The following LRRTM3 variants were observed in gnomAD, a reference collection of about 807,000 sequenced individuals.
LRRTM3 encodes leucine-rich repeat transmembrane neuronal protein 3.
LRRTM3 carries 24 observed loss-of-function variants against 44.7 expected under a neutral mutation model. The ratio of observed to expected loss-of-function variants is 0.54; its 90% CI spans 0.39 to 0.76. LRRTM3 has a LOEUF of 0.76. Ranked by LOEUF, LRRTM3 falls within the 30% of genes least tolerant of loss-of-function variation. The probability of loss-of-function intolerance (pLI) is 0.00; values close to 1 mark genes in which losing one functional copy is unlikely to be tolerated. For missense variants in LRRTM3, 587 were observed against 702.2 expected (o/e 0.84, Z 1.85); for synonymous variants, 277 against 278.7 (o/e 0.99, Z 0.06).
At chr10:66,989,541 A>C (rs1850927077) in intron 2 of LRRTM3, among the ~76,000 whole-genome samples, 1 of 152,188 alleles carries the variant, frequency 6.6e-6, no homozygotes, top group African/African-American at 2.4e-5. Flanking sequence ...GATTAGCCTG[A>C]TACATGTATG....
intron 2 of LRRTM3, among the ~76,000 whole-genome samples, chr10:66,969,017 A>AAAAT (rs896918415): frequency 2.0e-5 from 3 of 152,050 alleles, no homozygotes; most frequent in African/African-American, 4.8e-5. Context: ...ACTCCATCTC[A>AAAAT]AAATAAATAA....
chr10:67,019,807 T>C (rs1852882008), intron 2 of LRRTM3, among the ~76,000 whole-genome samples: 1 of 152,200 alleles, frequency 6.6e-6, no homozygotes, highest in African/African-American at 2.4e-5. Flanking sequence ...CCTTACTCAC[T>C]TTAAGTTCAA....
chr10:66,983,267 T>C (rs751421404), intron 2 of LRRTM3, among the ~76,000 whole-genome samples: 1 of 152,112 alleles, frequency 6.6e-6, no homozygotes, highest in African/African-American at 2.4e-5. Flanking sequence ...CTCCCAGCCA[T>C]GTTCCTCATC....
intron 2 of LRRTM3, among the ~76,000 whole-genome samples, chr10:66,969,299 T>C: frequency 6.6e-6 from 1 of 152,134 alleles, no homozygotes; most frequent in Non-Finnish European, 1.5e-5. Flanking sequence ...TTTTATAACT[T>C]ATCATTACAT....
chr10:66,987,953 T>A (rs1226625396), intron 2 of LRRTM3, among the ~76,000 whole-genome samples: 4 of 152,174 alleles, frequency 2.6e-5, no homozygotes, highest in South Asian at 2.1e-4. Flanking sequence ...AACATTTCTA[T>A]CATAACAAAT....
chr10:67,092,532 T>G (rs181449136), intron 2 of LRRTM3, among the ~76,000 whole-genome samples: 25 of 152,066 alleles, frequency 1.6e-4, no homozygotes, highest in Admixed American at 7.2e-4. Flanking sequence ...CATATGAATG[T>G]TCATATATAT....
At position 66,965,946 on chromosome 10, in the gene LRRTM3, T is replaced by C. The variant is rs73331678; in HGVS notation, c.1536+37494T>C. Among the ~76,000 whole-genome samples, 1,085 of 152,308 alleles carry C rather than the reference T, an allele frequency of 7.1e-3. 12 individuals are homozygous for C. Among genetic ancestry groups the C allele is most frequent in the African/African-American group, 0.025 (1,036 of 41,564 alleles). On this transcript the variant is annotated intron_variant, in intron 2 of 2. Coordinates refer to ENST00000361320, the MANE Select transcript of LRRTM3 (RefSeq NM_178011.5). Reference sequence around the variant, plus strand: ...CCTGTTGTTTGCTTTGCAAGCACTATATAAGTCTGGAGAGGGGCCTGAAAT... The same window carrying C: ...CCTGTTGTTTGCTTTGCAAGCACTACATAAGTCTGGAGAGGGGCCTGAAAT...
chr10:67,075,170 G>GCACACACACACACACACA (rs57260841), intron 2 of LRRTM3, among the ~76,000 whole-genome samples: 72 of 149,746 alleles, frequency 4.8e-4, no homozygotes, highest in African/African-American at 7.6e-4. Context: ...AAGGATTTCT[G>GCACACACACACACACACA]CACACACACA....
chr10:67,078,254 G>C (rs1466786838), intron 2 of LRRTM3, among the ~76,000 whole-genome samples: 1 of 152,172 alleles, frequency 6.6e-6, no homozygotes, highest in African/African-American at 2.4e-5. Context: ...TTCAAGTTCT[G>C]GAAAGACTTA....
At chr10:67,025,924 A>G (rs1250006354) in intron 2 of LRRTM3, among the ~76,000 whole-genome samples, 1 of 148,576 alleles carries the variant, frequency 6.7e-6, no homozygotes, top group Non-Finnish European at 1.5e-5. Context: ...AATACTATGC[A>G]GCCATAAAAA....
intron 2 of LRRTM3, among the ~76,000 whole-genome samples, chr10:66,999,255 C>A (rs1364465670): frequency 6.6e-6 from 1 of 152,012 alleles, no homozygotes; most frequent in Non-Finnish European, 1.5e-5. Context: ...AGTTAAAAGA[C>A]CTGTGACTGA....
At chr10:66,985,512 T>G (rs1441886887) in intron 2 of LRRTM3, among the ~76,000 whole-genome samples, 2 of 152,080 alleles carry the variant, frequency 1.3e-5, no homozygotes, top group Non-Finnish European at 2.9e-5. Flanking sequence ...CCCCTAGTTC[T>G]CAAATCTTCT....
intron 2 of LRRTM3, among the ~76,000 whole-genome samples, chr10:66,996,206 T>G (rs1439652814): frequency 1.3e-5 from 2 of 152,216 alleles, no homozygotes; most frequent in African/African-American, 2.4e-5. Context: ...GAGACTGATA[T>G]TATATAATTA....
intron 2 of LRRTM3, among the ~76,000 whole-genome samples, chr10:67,095,172 G>C (rs1459056219): frequency 6.6e-6 from 1 of 151,486 alleles, no homozygotes; most frequent in Non-Finnish European, 1.5e-5. Flanking sequence ...GCTGTATTCA[G>C]ATATGGCTAG....
At chr10:66,963,361 A>G (rs1001729841) in intron 2 of LRRTM3, among the ~76,000 whole-genome samples, 1 of 152,210 alleles carries the variant, frequency 6.6e-6, no homozygotes, top group African/African-American at 2.4e-5. Flanking sequence ...ATTTGCTTGT[A>G]GTATGGAAAA....
intron 2 of LRRTM3, among the ~76,000 whole-genome samples, chr10:67,036,493 G>T (rs578143770): frequency 1.3e-5 from 2 of 151,918 alleles, no homozygotes; most frequent in South Asian, 4.2e-4. Context: ...GTGAAACCCC[G>T]TCTCTACTAA....
rs558755121 is a variant in LRRTM3 at position 66,955,383 on chromosome 10, T to A, written c.1536+26931T>A. On this transcript the variant is annotated intron_variant, in intron 2 of 2. Transcript: ENST00000361320. Reference sequence around the variant, plus strand: ...CAGTAGGCACTATAGAAATGTATAATATCTTATTCTCACAATCACCCTATG... The same window carrying A: ...CAGTAGGCACTATAGAAATGTATAAAATCTTATTCTCACAATCACCCTATG... Among the ~76,000 whole-genome samples, 116 of 152,324 alleles carry A rather than the reference T, an allele frequency of 7.6e-4. 1 individual carries two copies. The highest frequency in any genetic ancestry group is 2.7e-3 in the African/African-American group (112 of 41,576).
At chr10:66,972,697 T>C (rs1849789713) in intron 2 of LRRTM3, among the ~76,000 whole-genome samples, 2 of 127,900 alleles carry the variant, frequency 1.6e-5, no homozygotes, top group African/African-American at 5.7e-5. Flanking sequence ...TTCTGTCAAA[T>C]AGATTTTTTT....
chr10:67,026,582 T>A (rs981143125), intron 2 of LRRTM3, among the ~76,000 whole-genome samples: 4 of 152,122 alleles, frequency 2.6e-5, no homozygotes, highest in Non-Finnish European at 5.9e-5. Context: ...TATATATTAG[T>A]CAAAATTATC....
Sources: allele counts gnomAD v4.1 joint callset (sites outside exome capture counted in the v4.1 genomes callset), GRCh38; gene constraint gnomAD v4.1.1; transcripts MANE v1.5; gene names NCBI Gene and HGNC (gene_info 2026-07-23, HGNC 2026-07-21).